SPATA13: variants seen among roughly 807,000 people sequenced by gnomAD.
SPATA13 encodes spermatogenesis-associated protein 13.
SPATA13 carries 50 observed loss-of-function variants against 104.0 expected under a neutral mutation model. The ratio of observed to expected loss-of-function variants is 0.48; its 90% CI spans 0.38 to 0.61. The LOEUF is 0.61. Ranked by LOEUF, SPATA13 falls within the 20% of genes least tolerant of loss-of-function variation. SPATA13 has a pLI of 0.00. For synonymous variants in SPATA13, 606 were observed against 667.5 expected (o/e 0.91, Z 1.42); for missense variants, 1,524 against 1,690.6 (o/e 0.90, Z 1.73).
chr13:23,980,588 A>AGTTTT (rs370903619), intron 1 of SPATA13, among the ~76,000 whole-genome samples: 10 of 152,050 alleles, frequency 6.6e-5, no homozygotes, highest in Admixed American at 1.3e-4. Flanking sequence ...TACTTAACGA[A>AGTTTT]GTTTTGTTTT....
chr13:24,075,631 G>T (rs571794128), intron 3 of SPATA13, among the ~76,000 whole-genome samples: 1 of 152,142 alleles, frequency 6.6e-6, no homozygotes, highest in East Asian at 1.9e-4. Flanking sequence ...TTATGACAAC[G>T]TTGCTTATCC....
intron 2 of SPATA13, among the ~76,000 whole-genome samples, chr13:24,013,878 T>C (rs1876589144): frequency 6.6e-6 from 1 of 152,128 alleles, no homozygotes; most frequent in South Asian, 2.1e-4. Context: ...GGTCATGTTG[T>C]TCATGAGGTT....
At chr13:23,983,927 C>G in exon 2 of SPATA13, 1 of 985,420 alleles carries the variant, frequency 1.0e-6, no homozygotes, top group Non-Finnish European at 1.2e-6. Flanking sequence ...ACATCCTGGC[C>G]GTGAAGGTAA....
chr13:24,114,905 G>A (rs368499226), intron 3 of SPATA13, among the ~76,000 whole-genome samples: 3 of 152,148 alleles, frequency 2.0e-5, no homozygotes, highest in Non-Finnish European at 2.9e-5. Context: ...CTGGTGATCC[G>A]CCCACCTCGG....
chr13:24,290,632 G>C lies in SPATA13; in HGVS notation c.2848-20G>C. 1 of 1,604,760 alleles carries C rather than the reference G, an allele frequency of 6.2e-7. No homozygotes were observed. ...CAGAGGCACCCCAGAAGCTGACGAA[G>C]CTGTACTTTTCCTTCCCAGCAAGAG... On this transcript the variant is annotated intron_variant, in intron 8 of 12. Transcript: ENST00000382108.
At chr13:24,301,234 G>A (rs1877166576) in intron 12 of SPATA13, among the ~76,000 whole-genome samples, 2 of 152,144 alleles carry the variant, frequency 1.3e-5, no homozygotes, top group South Asian at 4.1e-4. Flanking sequence ...TTTACCCCAT[G>A]AAATGTATCT....
intron 2 of SPATA13, among the ~76,000 whole-genome samples, chr13:24,240,405 T>A (rs1161847139): frequency 6.6e-6 from 1 of 152,066 alleles, no homozygotes; most frequent in East Asian, 1.9e-4. Flanking sequence ...TGAACAATTA[T>A]CATGAAGGCT....
chr13:24,108,751 G>T (rs13378562), intron 3 of SPATA13, among the ~76,000 whole-genome samples: 1 of 151,910 alleles, frequency 6.6e-6, no homozygotes, highest in East Asian at 1.9e-4. Flanking sequence ...TTTCAAGCCT[G>T]GAGGCCCCGA....
At chr13:24,014,780 A>G (rs921094693) in intron 2 of SPATA13, among the ~76,000 whole-genome samples, 2 of 152,092 alleles carry the variant, frequency 1.3e-5, no homozygotes, top group South Asian at 2.1e-4. Context: ...GGTGTTATTC[A>G]CACAAGTTAT....
chr13:24,198,833 A>G (rs1870238237), intron 1 of SPATA13, among the ~76,000 whole-genome samples: 1 of 152,214 alleles, frequency 6.6e-6, no homozygotes, highest in African/African-American at 2.4e-5. Context: ...TCAGCTAATA[A>G]GCAGAGGGCA....
chr13:24,005,690 G>A lies in SPATA13; in HGVS notation c.-146-11977G>A, dbSNP rs2765176. On this transcript the variant is annotated intron_variant, in intron 2 of 14. Transcript: ENST00000424834. ...GTGAAGAACAGCTGGTATGTGTCAT[G>A]TAAAGGGTCAGAGAACACACGAGCT... Among the ~76,000 whole-genome samples the A allele has an allele frequency of 5.6e-3, 857 of 152,302 alleles. 12 individuals carry two copies. The highest frequency in any genetic ancestry group is 0.02 in the African/African-American group (815 of 41,568).
chr13:24,218,708 GT>G (rs199886090), intron 1 of SPATA13, among the ~76,000 whole-genome samples: 40 of 138,450 alleles, frequency 2.9e-4, no homozygotes, highest in Non-Finnish European at 2.2e-4. Context: ...ATTATGAGGG[GT>G]TTTTTTTTTT....
intron 2 of SPATA13, among the ~76,000 whole-genome samples, chr13:24,233,839 G>A (rs150234704): frequency 1.3e-5 from 2 of 151,810 alleles, no homozygotes; most frequent in East Asian, 1.9e-4. Context: ...GCGGAATCCC[G>A]AGTCTCCTCC....
intron 3 of SPATA13, among the ~76,000 whole-genome samples, chr13:24,064,180 C>T (rs1374464294): frequency 1.3e-5 from 2 of 152,228 alleles, no homozygotes; most frequent in Admixed American, 1.3e-4. Context: ...CAGCCTGTCA[C>T]AGATCACTTA....
At chr13:24,134,724 C>T (rs956560205) in intron 3 of SPATA13, among the ~76,000 whole-genome samples, 2 of 152,218 alleles carry the variant, frequency 1.3e-5, no homozygotes, top group African/African-American at 4.8e-5. Context: ...ACCAACATTG[C>T]TCCCTGAGCC....
intron 3 of SPATA13, among the ~76,000 whole-genome samples, chr13:24,129,190 T>C (rs1409905942): frequency 1.3e-5 from 2 of 152,332 alleles, no homozygotes; most frequent in Non-Finnish European, 2.9e-5. Flanking sequence ...CAGACTCTGG[T>C]GCTAGTGTCG....
chr13:24,140,024 G>A lies in SPATA13; in HGVS notation c.-111-82795G>A, dbSNP rs141520477. Among the ~76,000 whole-genome samples, 625 of 150,588 alleles carry A rather than the reference G, an allele frequency of 4.2e-3. 4 individuals are homozygous for A. Among genetic ancestry groups the A allele is most frequent in the African/African-American group, 0.014 (579 of 40,776 alleles). Reference sequence around the variant, plus strand: ...CGGAGCTTGGCAGTGAGCCAAGGTCGTGCCACTGCACGCCAGCCTGGGTGA... The same window carrying A: ...CGGAGCTTGGCAGTGAGCCAAGGTCATGCCACTGCACGCCAGCCTGGGTGA... On this transcript the variant is annotated intron_variant, in intron 3 of 14. Transcript: ENST00000424834.
chr13:24,273,220 G>A (rs1227127036), intron 4 of SPATA13: 1 of 152,640 alleles, frequency 6.6e-6, no homozygotes, highest in Non-Finnish European at 1.5e-5. Context: ...CGGGACAGAG[G>A]CTGAGTTTTG....
At chr13:24,194,398 C>T (rs1316555542) in intron 1 of SPATA13, among the ~76,000 whole-genome samples, 2 of 152,144 alleles carry the variant, frequency 1.3e-5, no homozygotes, top group Non-Finnish European at 2.9e-5. Flanking sequence ...GGAAAATGTC[C>T]AGGCTCTTTG....
Sources: allele counts gnomAD v4.1 joint callset (sites outside exome capture counted in the v4.1 genomes callset), GRCh38; gene constraint gnomAD v4.1.1; transcripts MANE v1.5; gene names NCBI Gene and HGNC (gene_info 2026-07-23, HGNC 2026-07-21).